RYR2: variants seen among roughly 807,000 people sequenced by gnomAD.
The protein encoded by RYR2 is ryanodine receptor 2, also known as cardiac muscle ryanodine receptor-calcium release channel.
In RYR2, 227 loss-of-function variants were observed where a neutral mutation model predicts 601.1. The observed-to-expected ratio is 0.38, with a 90% CI of 0.34 to 0.42. RYR2 has a LOEUF of 0.42. Ranked by LOEUF, RYR2 falls within the 10% of genes least tolerant of loss-of-function variation. RYR2 has a pLI of 1.00. For synonymous variants in RYR2, 2,223 were observed against 2,175.1 expected (o/e 1.02, Z -0.61); for missense variants, 4,646 against 6,156.5 (o/e 0.75, Z 8.21).
At chr1:237,244,562 C>T (rs1686582054) in intron 1 of RYR2, among the ~76,000 whole-genome samples, 1 of 152,090 alleles carries the variant, frequency 6.6e-6, no homozygotes, top group African/African-American at 2.4e-5. Flanking sequence ...CCTGATGGAA[C>T]CAATGTGTTG....
intron 1 of RYR2, among the ~76,000 whole-genome samples, chr1:237,176,261 AT>A (rs1678042484): frequency 9.6e-6 from 1 of 104,554 alleles, no homozygotes; most frequent in African/African-American, 2.9e-5. Context: ...ATATATATAT[AT>A]ATAAAAAATG....
In RYR2 at chr1:237,286,298, G is replaced by T. The variant is rs188728186; in HGVS notation, c.168+15682G>T. Among the ~76,000 whole-genome samples, 712 of 152,038 alleles carry T rather than the reference G, an allele frequency of 4.7e-3. 11 individuals are homozygous for T. Among genetic ancestry groups the T allele is most frequent in the Non-Finnish European group, 6.0e-3 (408 of 67,976 alleles). ...TGACCCAATGCTCATTCAGGAGCAG[G>T]TTATTTAATTTCCATGTATTTGCAT... On this transcript the variant is annotated intron_variant, in intron 2 of 104. Coordinates refer to ENST00000366574, the MANE Select transcript of RYR2 (RefSeq NM_001035.3).
intron 3 of RYR2, among the ~76,000 whole-genome samples, chr1:237,342,866 C>T (rs1187929058): frequency 1.3e-5 from 2 of 152,124 alleles, no homozygotes; most frequent in Non-Finnish European, 2.9e-5. Context: ...AAATGTGAGC[C>T]ATATGTGAGA....
At chr1:237,758,713 T>C (rs1210728638) in intron 82 of RYR2, among the ~76,000 whole-genome samples, 2 of 152,258 alleles carry the variant, frequency 1.3e-5, no homozygotes, top group African/African-American at 2.4e-5. Context: ...GGAATTGTTC[T>C]GCTCTTCCAG....
intron 101 of RYR2, among the ~76,000 whole-genome samples, chr1:237,827,745 TG>T (rs751168995): frequency 1.3e-5 from 2 of 151,796 alleles, no homozygotes; most frequent in African/African-American, 4.8e-5. Flanking sequence ...GAGACCATCC[TG>T]GCTAACACGG....
At chr1:237,635,925 A>G (rs1680828437) in intron 44 of RYR2, among the ~76,000 whole-genome samples, 1 of 152,146 alleles carries the variant, frequency 6.6e-6, no homozygotes, top group Non-Finnish European at 1.5e-5. Flanking sequence ...TACCCAAGAT[A>G]CCATCGTGGC....
intron 20 of RYR2, among the ~76,000 whole-genome samples, chr1:237,500,471 G>T (rs549929098): frequency 6.6e-6 from 1 of 152,322 alleles, no homozygotes; most frequent in South Asian, 2.1e-4. Flanking sequence ...ACATGCAGAA[G>T]TTTCTGTGTA....
At chr1:237,230,013 T>C (rs1684808902) in intron 1 of RYR2, among the ~76,000 whole-genome samples, 1 of 152,192 alleles carries the variant, frequency 6.6e-6, no homozygotes, top group South Asian at 2.1e-4. Flanking sequence ...GCTTCCACAA[T>C]GCAATCTAGA....
intron 10 of RYR2, among the ~76,000 whole-genome samples, chr1:237,414,604 C>A (rs539086364): frequency 3.8e-4 from 58 of 152,306 alleles, no homozygotes; most frequent in African/African-American, 1.3e-3. Context: ...TCAATACATA[C>A]ACACAGTATA....
chr1:237,384,844 A>AT (rs1018359679), intron 8 of RYR2, among the ~76,000 whole-genome samples: 9 of 151,942 alleles, frequency 5.9e-5, no homozygotes, highest in African/African-American at 2.2e-4. Context: ...TTTACACAGC[A>AT]TTTTTAAAGG....
At chr1:237,464,055 T>C (rs955392697) in intron 16 of RYR2, among the ~76,000 whole-genome samples, 3 of 152,178 alleles carry the variant, frequency 2.0e-5, no homozygotes, top group African/African-American at 7.2e-5. Context: ...ACGTAATACA[T>C]GCAGAAAACA....
chr1:237,506,932 T>A (rs945835870), intron 23 of RYR2, 118 bp downstream of exon 23: 2 of 857,524 alleles, frequency 2.3e-6, no homozygotes, highest in African/African-American at 3.4e-5. Context: ...TTGATTTTTT[T>A]CCCCCTACAC....
intron 10 of RYR2, 134 bp downstream of exon 10, chr1:237,388,317 A>AT: frequency 1.4e-6 from 1 of 720,768 alleles, no homozygotes; most frequent in Non-Finnish European, 2.3e-6. Flanking sequence ...GATTCACTGA[A>AT]GTGATCCATT....
intron 41 of RYR2, 40 bp downstream of exon 41, chr1:237,628,120 G>T (rs767050183): frequency 6.3e-7 from 1 of 1,599,274 alleles, no homozygotes; most frequent in Non-Finnish European, 8.5e-7. Context: ...TCTCGTAAAT[G>T]TTTTCTAATT....
intron 4 of RYR2, among the ~76,000 whole-genome samples, chr1:237,359,718 C>G (rs1699612724): frequency 6.6e-6 from 1 of 152,138 alleles, no homozygotes; most frequent in Admixed American, 6.5e-5. Flanking sequence ...ATCACTGTCT[C>G]TTTGAGCAGC....
At chr1:237,121,640 G>T (rs1670789258) in intron 1 of RYR2, among the ~76,000 whole-genome samples, 2 of 152,170 alleles carry the variant, frequency 1.3e-5, no homozygotes, top group South Asian at 4.1e-4. Flanking sequence ...TAGAGGCAGA[G>T]ATCCGAATTC....
intron 25 of RYR2, among the ~76,000 whole-genome samples, chr1:237,534,159 T>TG (rs1307043424): frequency 2.0e-5 from 3 of 152,048 alleles, no homozygotes; most frequent in Admixed American, 6.6e-5. Flanking sequence ...CTGCTCAAAA[T>TG]GAAACTGATG....
intron 10 of RYR2, among the ~76,000 whole-genome samples, chr1:237,410,703 T>C (rs1257540321): frequency 6.6e-6 from 1 of 152,142 alleles, no homozygotes; most frequent in Non-Finnish European, 1.5e-5. Flanking sequence ...GGTCTGCTCC[T>C]GTTTTAAACC....
intron 1 of RYR2, among the ~76,000 whole-genome samples, chr1:237,072,248 G>A (rs1664444909): frequency 6.6e-6 from 1 of 152,228 alleles, no homozygotes; most frequent in South Asian, 2.1e-4. Context: ...TCCCCACAGT[G>A]GCTGCTCCAG....
Sources: allele counts gnomAD v4.1 joint callset (sites outside exome capture counted in the v4.1 genomes callset), GRCh38; gene constraint gnomAD v4.1.1; transcripts MANE v1.5; gene names NCBI Gene and HGNC (gene_info 2026-07-23, HGNC 2026-07-21).